RGS7: variants seen among roughly 807,000 people sequenced by gnomAD.
The protein encoded by RGS7 is regulator of G-protein signaling 7.
A neutral mutation model predicts 81.1 loss-of-function variants in RGS7; 27 were observed. The observed-to-expected ratio is 0.33, with a 90% CI of 0.25 to 0.46. The LOEUF (loss-of-function observed/expected upper bound fraction) is 0.46, where lower values mean the gene tolerates loss of function less well. Among genes scored for constraint, RGS7 ranks in the 20% least tolerant of loss-of-function variants. RGS7 has a pLI of 1.00. For missense variants in RGS7, 396 were observed against 607.4 expected (o/e 0.65, Z 3.66); for synonymous variants, 208 against 207.7 (o/e 1.00, Z -0.01).
chr1:241,233,045 G>A (rs1318516581), intron 2 of RGS7, among the ~76,000 whole-genome samples: 1 of 151,890 alleles, frequency 6.6e-6, no homozygotes, highest in Non-Finnish European at 1.5e-5. Context: ...CCATAATATA[G>A]TCCCCACCTG....
At chr1:241,190,816 A>AT (rs1225650875) in intron 2 of RGS7, among the ~76,000 whole-genome samples, 2 of 151,574 alleles carry the variant, frequency 1.3e-5, no homozygotes, top group Non-Finnish European at 2.9e-5. Flanking sequence ...GCCCCATCTT[A>AT]TTGCATTAGC....
intron 3 of RGS7, among the ~76,000 whole-genome samples, chr1:241,007,843 G>A (rs527629651): frequency 6.6e-6 from 1 of 152,300 alleles, no homozygotes; most frequent in Admixed American, 6.5e-5. Flanking sequence ...GAAAGCACCT[G>A]TGATTAAGGC....
intron 2 of RGS7, among the ~76,000 whole-genome samples, chr1:241,264,936 C>G (rs2077508122): frequency 6.6e-6 from 1 of 152,244 alleles, no homozygotes; most frequent in Non-Finnish European, 1.5e-5. Flanking sequence ...AAGTTTCCCC[C>G]TCCATGGGGC....
At chr1:241,146,797 G>A (rs2068342977) in intron 2 of RGS7, among the ~76,000 whole-genome samples, 1 of 152,170 alleles carries the variant, frequency 6.6e-6, no homozygotes, top group South Asian at 2.1e-4. Context: ...AGGCTGGGAA[G>A]TCCAAGATCA....
intron 2 of RGS7, among the ~76,000 whole-genome samples, chr1:241,119,258 CATGTTTGGCTTGGAAGACAGCTGG>C (rs2066079927): frequency 6.6e-6 from 1 of 152,172 alleles, no homozygotes; most frequent in African/African-American, 2.4e-5. Context: ...AAGTCTCTTC[CATGTTTGGCTTGGAAGACAGCTGG>C]ATTTTCACAT....
intron 2 of RGS7, among the ~76,000 whole-genome samples, chr1:241,250,512 C>T (rs1365218547): frequency 1.3e-5 from 2 of 151,670 alleles, no homozygotes; most frequent in African/African-American, 4.9e-5. Context: ...AACAAAAGCA[C>T]TTTAAAATGT....
At chr1:241,236,614 A>G (rs967789389) in intron 2 of RGS7, among the ~76,000 whole-genome samples, 4 of 152,214 alleles carry the variant, frequency 2.6e-5, no homozygotes, top group African/African-American at 9.6e-5. Context: ...GCTAAGTCAA[A>G]CTTGTGCTAA....
At chr1:241,097,743 A>AC (rs779350389) in intron 3 of RGS7, among the ~76,000 whole-genome samples, 47 of 152,252 alleles carry the variant, frequency 3.1e-4, no homozygotes, top group Non-Finnish European at 5.4e-4. Context: ...CCCTGGAGTC[A>AC]GAGCACAGAG....
chr1:240,878,945 C>T (rs1214035255), intron 6 of RGS7, among the ~76,000 whole-genome samples: 1 of 151,972 alleles, frequency 6.6e-6, no homozygotes, highest in Non-Finnish European at 1.5e-5. Flanking sequence ...TTTTCTATTA[C>T]AAAGAACAAT....
chr1:241,068,547 T>G (rs1383213667), intron 3 of RGS7, among the ~76,000 whole-genome samples: 1 of 151,966 alleles, frequency 6.6e-6, no homozygotes, highest in African/African-American at 2.4e-5. Flanking sequence ...ACCATAAAAC[T>G]GGGGAACCAG....
chr1:241,113,507 T>C (rs1572745074), intron 2 of RGS7, among the ~76,000 whole-genome samples: 1 of 152,176 alleles, frequency 6.6e-6, no homozygotes, highest in Non-Finnish European at 1.5e-5. Context: ...AAACAATAGG[T>C]TTTTTATTGT....
intron 2 of RGS7, among the ~76,000 whole-genome samples, chr1:241,187,577 G>C (rs544612665): frequency 6.6e-6 from 1 of 152,240 alleles, no homozygotes; most frequent in East Asian, 1.9e-4. Context: ...TCTATATGCA[G>C]TACAGCTCAA....
At position 241,077,155 on chromosome 1, in the gene RGS7, T is replaced by C. The variant is rs1466961148; in HGVS notation, c.175+21511A>G. On this transcript the variant is annotated intron_variant, in intron 3 of 18. Transcript: ENST00000440928. ...ATAATTTTTGTAAGAAAAGGGTTCA[T>C]GATAATACTTTTAAAAATAAACAGC... 5.3e-5 allele frequency among the ~76,000 whole-genome samples: 8 copies of C among 152,304 alleles called. 2 individuals are homozygous for C. In the South Asian group the frequency reaches 1.4e-3, roughly 28 times the overall value.
chr1:241,305,878 G>T, intron 2 of RGS7: 1 of 258,452 alleles, frequency 3.9e-6, no homozygotes. Flanking sequence ...CCATGGGGTA[G>T]TGCAGGACCA....
intron 3 of RGS7, among the ~76,000 whole-genome samples, chr1:241,005,898 G>A (rs1210647588): frequency 3.3e-5 from 5 of 152,104 alleles, no homozygotes; most frequent in South Asian, 2.1e-4. Flanking sequence ...ACCTGTATTC[G>A]TGTTCCAAGT....
intron 3 of RGS7, among the ~76,000 whole-genome samples, chr1:240,996,346 T>C (rs954245299): frequency 1.3e-5 from 2 of 152,198 alleles, no homozygotes; most frequent in African/African-American, 4.8e-5. Flanking sequence ...ACATCCTTAC[T>C]GATTTTTCTG....
chr1:241,212,948 G>A (rs746103737), intron 2 of RGS7, among the ~76,000 whole-genome samples: 1 of 152,120 alleles, frequency 6.6e-6, no homozygotes, highest in Non-Finnish European at 1.5e-5. Context: ...CAGAGAAAAT[G>A]GACTGATCCT....
intron 2 of RGS7, among the ~76,000 whole-genome samples, chr1:241,251,456 A>G (rs1284466823): frequency 6.6e-6 from 1 of 152,150 alleles, no homozygotes; most frequent in Non-Finnish European, 1.5e-5. Context: ...CCTGGAGTGA[A>G]GAAGGTCCTA....
At chr1:241,017,320 A>T (rs2059307106) in intron 3 of RGS7, among the ~76,000 whole-genome samples, 1 of 152,046 alleles carries the variant, frequency 6.6e-6, no homozygotes, top group African/African-American at 2.4e-5. Flanking sequence ...GCACGCCTGT[A>T]ATTCCAGCTA....
Sources: allele counts gnomAD v4.1 joint callset (sites outside exome capture counted in the v4.1 genomes callset), GRCh38; gene constraint gnomAD v4.1.1; transcripts MANE v1.5; gene names NCBI Gene and HGNC (gene_info 2026-07-23, HGNC 2026-07-21).